PTK2B: variants seen among roughly 807,000 people sequenced by gnomAD.
PTK2B encodes the protein protein-tyrosine kinase 2-beta.
PTK2B carries 71 observed loss-of-function variants against 142.9 expected under a neutral mutation model. That is an observed-to-expected ratio of 0.50 (90% CI 0.41 to 0.61). The LOEUF (loss-of-function observed/expected upper bound fraction) is 0.61. Among genes scored for constraint, PTK2B ranks in the 20% least tolerant of loss-of-function variants. The probability of loss-of-function intolerance (pLI) is 0.00; values close to 1 mark genes in which losing one functional copy is unlikely to be tolerated. For synonymous variants in PTK2B, 519 were observed against 503.4 expected, an observed-to-expected ratio of 1.03 and a Z score of -0.42; for missense variants, 1,105 against 1,320.4, an observed-to-expected ratio of 0.84 and a Z score of 2.53.
chr8:27,439,195 A>G, intron 19 of PTK2B, 64 bp downstream of exon 19: 1 of 1,573,020 alleles, frequency 6.4e-7, no homozygotes, highest in Non-Finnish European at 8.7e-7. Context: ...AAATTCCAGA[A>G]GAAGGAAGTC....
chr8:27,312,174 G>C (rs149905241), intron 1 of PTK2B: 1 of 152,204 alleles, frequency 6.6e-6, no homozygotes, highest in South Asian at 2.1e-4. Flanking sequence ...ACAGCCTCCA[G>C]ATGCAGAATA....
At chr8:27,404,499 C>T (rs1316884989) in intron 2 of PTK2B, among the ~76,000 whole-genome samples, 1 of 152,152 alleles carries the variant, frequency 6.6e-6, no homozygotes, top group East Asian at 1.9e-4. Context: ...CCTGTGCCCT[C>T]CCCACCCAGT....
chr8:27,432,897 G>A (rs1354751765), intron 10 of PTK2B, among the ~76,000 whole-genome samples: 6 of 152,020 alleles, frequency 3.9e-5, no homozygotes, highest in Non-Finnish European at 8.8e-5. Flanking sequence ...TGCAATCTCA[G>A]CTCACTGTAA....
intron 23 of PTK2B, 26 bp from the exon 24 acceptor site, chr8:27,445,768 T>C (rs370940178): frequency 2.4e-5 from 38 of 1,612,266 alleles, no homozygotes; most frequent in Non-Finnish European, 3.0e-5. Context: ...TCCCGTGCCT[T>C]GTGCTTCTTT....
chr8:27,310,965 G>A (rs1377388658), upstream of PTK2B: 3 of 1,612,248 alleles, frequency 1.9e-6, no homozygotes, highest in East Asian at 2.2e-5. Context: ...CTGGTCCAGC[G>A]CGCGCCCTCG....
rs542093080 is a variant in PTK2B at position 27,360,908 on chromosome 8, G to A, written c.-38+35227G>A. Among the ~76,000 whole-genome samples the A allele has an allele frequency of 7.9e-5, 12 of 152,260 alleles. No homozygotes were observed. In the Middle Eastern group the frequency reaches 0.01, roughly 129 times the overall value. On this transcript the variant is annotated intron_variant, in intron 1 of 30. Transcript: ENST00000346049. ...TCGAAATAAAACGTGTCGGTCTTTC[G>A]AAATGGTCAGTGGGGTGATGTCTGG...
In PTK2B at chr8:27,458,710, T is replaced by G; in HGVS notation, c.*201T>G. ...CAGCTGGACAGAGGGGACTCTGGGC[T>G]ATGGACACAGGGTGACGGTGACAAA... On this transcript the variant is annotated 3_prime_UTR_variant, in exon 31 of 31. Transcript: ENST00000346049. 1.6e-6 allele frequency: 1 copy of G among 610,768 alleles called. No homozygotes were observed. Among genetic ancestry groups the G allele is most frequent in the Non-Finnish European group, 2.9e-6 (1 of 347,972 alleles). 37.8% of individuals were successfully genotyped at this position (610,768 alleles called of 1,614,324 possible).
chr8:27,404,494 G>A (rs1808583409), intron 2 of PTK2B, among the ~76,000 whole-genome samples: 1 of 152,138 alleles, frequency 6.6e-6, no homozygotes, highest in Admixed American at 6.5e-5. Context: ...GCCATCCTGT[G>A]CCCTCCCCAC....
Position 27,348,832 on chromosome 8 carries a change from C to T in PTK2B, c.-38+23151C>T, listed in dbSNP as rs554509519. Among the ~76,000 whole-genome samples the T allele has an allele frequency of 3.3e-5, 5 of 152,198 alleles. No homozygotes were observed. In the South Asian group the frequency reaches 6.2e-4, roughly 19 times the overall value. On this transcript the variant is annotated intron_variant, in intron 1 of 30. Transcript: ENST00000346049. ...GCTTGCAGAATCCTCTCTACTCCCA[C>T]GCAGCCCTGCCCTGTACCAAGCCAC...
At chr8:27,372,934 C>T (rs755136508) in intron 1 of PTK2B, among the ~76,000 whole-genome samples, 2 of 152,022 alleles carry the variant, frequency 1.3e-5, no homozygotes, top group Non-Finnish European at 1.5e-5. Context: ...TAGACATTTC[C>T]AAAGTCTATG....
chr8:27,457,321 A>G (rs887284574), intron 30 of PTK2B, among the ~76,000 whole-genome samples: 11 of 152,124 alleles, frequency 7.2e-5, no homozygotes, highest in Non-Finnish European at 1.5e-4. Flanking sequence ...TACTACTCAG[A>G]AAAAAAAGAC....
chr8:27,442,017 T>A (rs183466337), intron 21 of PTK2B, among the ~76,000 whole-genome samples: 140 of 152,250 alleles, frequency 9.2e-4, no homozygotes, highest in Admixed American at 1.8e-3. Context: ...AGACCCCAGG[T>A]TGCTTCCTCA....
Position 27,433,497 on chromosome 8 carries a change from C to T in PTK2B, c.1050C>T (p.Gly350=). 1 of 1,614,214 alleles carries T rather than the reference C, an allele frequency of 6.2e-7. No individual in the cohort carries two copies. Among genetic ancestry groups the T allele is most frequent in the Non-Finnish European group, 8.5e-7 (1 of 1,180,026 alleles). Reference sequence around the variant, plus strand: ...AGAACATGGCTGACCTCATAGACGGCTACTGCCGGCTGCAGGGTGAGCACC... The same window carrying T: ...AGAACATGGCTGACCTCATAGACGGTTACTGCCGGCTGCAGGGTGAGCACC... The part of the protein sequence containing the change: ...EAENMADLID[G]YCRLQGEHQG... The change falls in exon 11 of 31, where the codon GGC becomes GGT. Residue 350 remains glycine, a synonymous_variant. Coordinates refer to ENST00000346049, the MANE Select transcript of PTK2B (RefSeq NM_173176.3).
At chr8:27,408,827 G>A (rs1808882275) in intron 2 of PTK2B, among the ~76,000 whole-genome samples, 1 of 152,226 alleles carries the variant, frequency 6.6e-6, no homozygotes, top group South Asian at 2.1e-4. Context: ...TCCTAGGTCT[G>A]CTTTAACAAA....
chr8:27,331,403 T>C (rs1397291226), intron 1 of PTK2B, among the ~76,000 whole-genome samples: 1 of 152,170 alleles, frequency 6.6e-6, no homozygotes, highest in Non-Finnish European at 1.5e-5. Flanking sequence ...CTTTCTCACC[T>C]GGGACGGAAT....
chr8:27,417,852 G>A, intron 2 of PTK2B, among the ~76,000 whole-genome samples: 1 of 152,168 alleles, frequency 6.6e-6, no homozygotes, highest in East Asian at 1.9e-4. Flanking sequence ...AAGTTCAAAA[G>A]CACCAGTGGT....
Position 27,326,056 on chromosome 8 carries a change from C to T in PTK2B, c.-38+375C>T, listed in dbSNP as rs1573964. ...GCCACGGGGTTTCAGCTCCTGCCCC[C>T]GCTCCCCGCTCCCTCCCGGGCCCTT... On this transcript the variant is annotated intron_variant, in intron 1 of 30. Transcript: ENST00000346049. Among the ~76,000 whole-genome samples, 731 of 152,196 alleles carry T rather than the reference C, an allele frequency of 4.8e-3. 8 individuals carry two copies. The highest frequency in any genetic ancestry group is 0.017 in the African/African-American group (700 of 41,528).
chr8:27,419,937 A>G lies in PTK2B; in HGVS notation c.247A>G (p.Asn83Asp). The change falls in exon 3 of 31, where the codon AAC becomes GAC. Residue 83 changes from asparagine to aspartate, a missense_variant. Physicochemically the swap from Asn to Asp is conservative, Grantham distance 23. Transcript: ENST00000346049. ...SILLSGRIGP[N>D]IRLAECYGLR... Reference sequence around the variant, plus strand: ...CCTGCTGAGCGGGCGGATCGGGCCCAACATCCGGTTGGCTGAGTGCTATGG... The same window carrying G: ...CCTGCTGAGCGGGCGGATCGGGCCCGACATCCGGTTGGCTGAGTGCTATGG... The G allele has an allele frequency of 6.2e-7, 1 of 1,614,236 alleles. No individual in the cohort carries two copies. The highest frequency in any genetic ancestry group is 8.5e-7 in the Non-Finnish European group (1 of 1,180,042).
chr8:27,434,923 C>G (rs887498482), intron 13 of PTK2B, among the ~76,000 whole-genome samples: 1 of 152,056 alleles, frequency 6.6e-6, no homozygotes, highest in Non-Finnish European at 1.5e-5. Context: ...TAGCTTGAAC[C>G]TGGAAGGCGG....
Sources: allele counts gnomAD v4.1 joint callset (sites outside exome capture counted in the v4.1 genomes callset), GRCh38; gene constraint gnomAD v4.1.1; transcripts MANE v1.5; gene names NCBI Gene and HGNC (gene_info 2026-07-23, HGNC 2026-07-21).